ROR1: variants seen among roughly 807,000 people sequenced by gnomAD.
ROR1 encodes the protein inactive tyrosine-protein kinase transmembrane receptor ROR1.
In ROR1, 19 loss-of-function variants were observed where a neutral mutation model predicts 78.8. The ratio of observed to expected loss-of-function variants is 0.24; its 90% CI spans 0.17 to 0.35. The LOEUF is 0.35. Ranked by LOEUF, ROR1 falls within the 10% of genes least tolerant of loss-of-function variation. ROR1 has a pLI of 1.00. For missense variants in ROR1, 917 were observed against 1,177.8 expected (o/e 0.78, Z 3.24); for synonymous variants, 386 against 433.6 (o/e 0.89, Z 1.36).
chr1:64,181,282 C>G lies in ROR1; in HGVS notation c.*2427C>G, dbSNP rs1474910058. ...GGCAATTTTCAGATATCTCACCTTA[C>G]CATATCTTTCCTTATTTTCACTGCA... On this transcript the variant is annotated 3_prime_UTR_variant, in exon 9 of 9. Transcript: ENST00000371079. 1.3e-5 allele frequency: 2 copies of G among 152,096 alleles called. No homozygotes were observed. The highest frequency in any genetic ancestry group is 6.5e-5 in the Admixed American group (1 of 15,268). 9.4% of individuals were successfully genotyped at this position (152,096 alleles called of 1,614,324 possible).
intron 1 of ROR1, among the ~76,000 whole-genome samples, chr1:63,979,301 G>A (rs540996141): frequency 6.6e-6 from 1 of 152,238 alleles, no homozygotes; most frequent in African/African-American, 2.4e-5. Flanking sequence ...GAAAGAGATG[G>A]TATGCTCAGA....
intron 1 of ROR1, among the ~76,000 whole-genome samples, chr1:63,994,801 C>CT (rs1170129793): frequency 2.2e-4 from 34 of 152,218 alleles, no homozygotes; most frequent in African/African-American, 7.7e-4. Context: ...TGAGCATCCT[C>CT]TTATCAGCCA....
intron 1 of ROR1, among the ~76,000 whole-genome samples, chr1:63,866,609 T>A (rs548139169): frequency 6.6e-6 from 1 of 150,798 alleles, no homozygotes; most frequent in African/African-American, 2.4e-5. Flanking sequence ...GGACCTAGCC[T>A]TTTTTTTTGG....
At chr1:63,786,174 C>T (rs556549629) in intron 1 of ROR1, among the ~76,000 whole-genome samples, 1 of 148,664 alleles carries the variant, frequency 6.7e-6, no homozygotes, top group Non-Finnish European at 1.5e-5. Context: ...CAGGACTTAA[C>T]ACTGATTAGT....
At chr1:64,063,057 C>T (rs943013827) in intron 4 of ROR1, among the ~76,000 whole-genome samples, 4 of 151,956 alleles carry the variant, frequency 2.6e-5, no homozygotes, top group Non-Finnish European at 4.4e-5. Context: ...AAGTGAAACC[C>T]CAAAGATATG....
In ROR1 at chr1:64,142,505, C is replaced by T. The variant is rs372807059; in HGVS notation, c.1029C>T (p.His343=). The T allele has an allele frequency of 6.2e-7, 1 of 1,614,072 alleles. No individual in the cohort carries two copies. The highest frequency in any genetic ancestry group is 1.3e-5 in the African/African-American group (1 of 74,918). Residue 343 remains histidine (H), a synonymous_variant, in exon 7 of 9, where the codon CAC becomes CAT. Transcript: ENST00000371079. ...AGCCATGGAATTCCCAGTATCCCCA[C>T]ACACACACTTTCACCGCCCTTCGTT... is the stretch of plus-strand genomic sequence containing the variant. The part of the protein sequence containing the change: ...QCQPWNSQYP[H]THTFTALRFP...
chr1:63,960,765 T>G (rs1646021179), intron 1 of ROR1, among the ~76,000 whole-genome samples: 1 of 152,224 alleles, frequency 6.6e-6, no homozygotes, highest in African/African-American at 2.4e-5. Flanking sequence ...TGCTTAAATT[T>G]CATTTTTCTA....
rs750614674 is a variant in ROR1, at chr1:63,953,006, G to A, written c.92-56299G>A. On this transcript the variant is annotated intron_variant, in intron 1 of 8. Transcript: ENST00000371079. ...GGATGGGGATCAATGAAAATTATGG[G>A]GCATTAATCCTTGGCTCTGTCCTGG... Among the ~76,000 whole-genome samples the A allele has an allele frequency of 6.4e-4, 97 of 152,150 alleles. 1 individual carries two copies. The highest frequency in any genetic ancestry group is 1.1e-3 in the Non-Finnish European group (75 of 67,990).
chr1:64,023,884 C>T (rs918885370), intron 2 of ROR1, among the ~76,000 whole-genome samples: 2 of 152,128 alleles, frequency 1.3e-5, no homozygotes, highest in South Asian at 2.1e-4. Context: ...GTAATCCCCA[C>T]GTGTCAAGGG....
In ROR1 at chr1:64,125,442, A is replaced by C. The variant is rs530136728; in HGVS notation, c.483-11927A>C. On this transcript the variant is annotated intron_variant, in intron 4 of 8. Transcript: ENST00000371079. ...CACAAACCTGTCTTTTTGCAGTCTA[A>C]AAACATTCCAACTGGAAATGACTAC... Among the ~76,000 whole-genome samples, 25 of 152,316 alleles carry C rather than the reference A, an allele frequency of 1.6e-4. No homozygotes were observed. In the South Asian group the frequency reaches 5.0e-3, roughly 30 times the overall value.
chr1:64,005,353 C>G (rs1646419402), intron 1 of ROR1, among the ~76,000 whole-genome samples: 2 of 152,200 alleles, frequency 1.3e-5, no homozygotes, highest in Non-Finnish European at 2.9e-5. Context: ...CAGTAACTTT[C>G]TCATGATCAC....
chr1:64,143,358 CAAAAAAAAGAAAAA>C (rs1649383222), intron 7 of ROR1: 6 of 903,940 alleles, frequency 6.6e-6, no homozygotes, highest in African/African-American at 5.2e-5. Context: ...CCATCTCTAC[CAAAAAAAAGAAAAA>C]AAAAAAAAGA....
chr1:63,965,441 A>C (rs907933765), intron 1 of ROR1, among the ~76,000 whole-genome samples: 1 of 152,198 alleles, frequency 6.6e-6, no homozygotes, highest in Non-Finnish European at 1.5e-5. Flanking sequence ...TCTGCATTTA[A>C]CATCTCCCCA....
intron 1 of ROR1, among the ~76,000 whole-genome samples, chr1:63,999,770 G>T (rs1178548550): frequency 5.3e-5 from 8 of 152,312 alleles, no homozygotes; most frequent in Admixed American, 3.9e-4. Context: ...ATAAGGAGTT[G>T]TGTAGCTCCT....
intron 7 of ROR1, among the ~76,000 whole-genome samples, chr1:64,144,173 C>T (rs941856218): frequency 6.6e-6 from 1 of 152,170 alleles, no homozygotes; most frequent in Non-Finnish European, 1.5e-5. Context: ...TCCGGAGCTT[C>T]TCCATGGAAT....
chr1:63,899,878 A>G (rs79294984), intron 1 of ROR1, among the ~76,000 whole-genome samples: 1 of 151,944 alleles, frequency 6.6e-6, no homozygotes, highest in African/African-American at 2.4e-5. Flanking sequence ...GGTAAAAGGG[A>G]GGGAGGAACT....
At chr1:64,160,467 A>G (rs949610911) in intron 8 of ROR1, among the ~76,000 whole-genome samples, 3 of 152,076 alleles carry the variant, frequency 2.0e-5, no homozygotes, top group Non-Finnish European at 4.4e-5. Context: ...CATTAAAAAC[A>G]AGCAAACAAC....
At chr1:63,977,483 C>T (rs1646171608) in intron 1 of ROR1, among the ~76,000 whole-genome samples, 1 of 152,104 alleles carries the variant, frequency 6.6e-6, no homozygotes, top group Non-Finnish European at 1.5e-5. Flanking sequence ...TTGGCTGTCA[C>T]TCAGCAGCTC....
chr1:63,924,379 TATTAA>T (rs1645682140), intron 1 of ROR1, among the ~76,000 whole-genome samples: 1 of 152,126 alleles, frequency 6.6e-6, no homozygotes, highest in African/African-American at 2.4e-5. Flanking sequence ...TTTTATTATA[TATTAA>T]AAATAAGTAG....
Sources: allele counts gnomAD v4.1 joint callset (sites outside exome capture counted in the v4.1 genomes callset), GRCh38; gene constraint gnomAD v4.1.1; transcripts MANE v1.5; gene names NCBI Gene and HGNC (gene_info 2026-07-23, HGNC 2026-07-21).